The following TIAM1 variants were observed in gnomAD, a reference collection of about 807,000 sequenced individuals.
TIAM1 encodes rho guanine nucleotide exchange factor TIAM1.
TIAM1 carries 65 observed loss-of-function variants against 163.5 expected under a neutral mutation model. The observed-to-expected ratio is 0.40, with a 90% confidence interval of 0.33 to 0.49. The LOEUF is 0.49. Ranked by LOEUF, TIAM1 falls within the 20% of genes least tolerant of loss-of-function variation. TIAM1 has a pLI of 0.77. For missense variants in TIAM1, 1,789 were observed against 2,044.7 expected (o/e 0.87, Z 2.41); for synonymous variants, 833 against 810.1 (o/e 1.03, Z -0.48).
intron 2 of TIAM1, among the ~76,000 whole-genome samples, chr21:31,295,650 G>T (rs2074229830): frequency 6.6e-6 from 1 of 152,084 alleles, no homozygotes; most frequent in South Asian, 2.1e-4. Context: ...ACAGTTAACA[G>T]GTTATCCTAG....
intron 2 of TIAM1, among the ~76,000 whole-genome samples, chr21:31,452,204 T>C (rs2044887392): frequency 6.6e-6 from 1 of 152,164 alleles, no homozygotes; most frequent in Admixed American, 6.5e-5. Flanking sequence ...AGGCTGGGCC[T>C]TGAAAAAGCA....
chr21:31,179,042 C>T (rs1336039203), intron 15 of TIAM1, among the ~76,000 whole-genome samples: 2 of 151,862 alleles, frequency 1.3e-5, no homozygotes, highest in African/African-American at 4.8e-5. Flanking sequence ...TGAGCCACCA[C>T]ACCCAGCCTG....
At chr21:31,387,017 CCT>C (rs2076883620) in intron 2 of TIAM1, among the ~76,000 whole-genome samples, 2 of 151,990 alleles carry the variant, frequency 1.3e-5, no homozygotes, top group Non-Finnish European at 2.9e-5. Flanking sequence ...TGTCTAAGCA[CCT>C]CTTAGAACTT....
intron 1 of TIAM1, among the ~76,000 whole-genome samples, chr21:31,490,634 G>A (rs1038900794): frequency 2.0e-5 from 3 of 152,204 alleles, no homozygotes; most frequent in Non-Finnish European, 4.4e-5. Flanking sequence ...CCTTGCCTGT[G>A]ATTGGGTTAG....
At chr21:31,361,269 C>T (rs1344261024) in intron 2 of TIAM1, among the ~76,000 whole-genome samples, 1 of 152,098 alleles carries the variant, frequency 6.6e-6, no homozygotes, top group African/African-American at 2.4e-5. Flanking sequence ...AGTATGATTC[C>T]ACTGATATAC....
At chr21:31,420,937 C>T (rs1308719786) in intron 2 of TIAM1, among the ~76,000 whole-genome samples, 1 of 152,012 alleles carries the variant, frequency 6.6e-6, no homozygotes, top group Non-Finnish European at 1.5e-5. Flanking sequence ...GCCTGGCCAA[C>T]ATGGTGAAGC....
chr21:31,155,243 G>T (rs2083562114), intron 16 of TIAM1, among the ~76,000 whole-genome samples: 1 of 152,182 alleles, frequency 6.6e-6, no homozygotes, highest in African/African-American at 2.4e-5. Context: ...GTTCTCCAAA[G>T]CAAGGGCTGC....
intron 2 of TIAM1, among the ~76,000 whole-genome samples, chr21:31,315,791 C>G (rs369675345): frequency 6.6e-6 from 1 of 151,494 alleles, no homozygotes; most frequent in Non-Finnish European, 1.5e-5. Flanking sequence ...GCCATCCTGG[C>G]CAACAGGGTG....
chr21:31,336,565 T>C (rs189945272), intron 2 of TIAM1, among the ~76,000 whole-genome samples: 1 of 151,588 alleles, frequency 6.6e-6, no homozygotes, highest in Admixed American at 6.6e-5. Flanking sequence ...GGAAGCAACG[T>C]TGACATTTCT....
intron 19 of TIAM1, among the ~76,000 whole-genome samples, chr21:31,150,649 GTAAACACA>G (rs2083330300): frequency 6.6e-6 from 1 of 151,968 alleles, no homozygotes; most frequent in Admixed American, 6.6e-5. Context: ...ACTTCTAAGA[GTAAACACA>G]GGAAAAAATC....
intron 12 of TIAM1, among the ~76,000 whole-genome samples, chr21:31,196,437 G>A (rs2085861984): frequency 6.6e-6 from 1 of 150,578 alleles, no homozygotes; most frequent in African/African-American, 2.5e-5. Flanking sequence ...TCAGCCTCCT[G>A]AGTAGCTGGG....
chr21:31,369,225 CA>C (rs67890846), intron 2 of TIAM1, among the ~76,000 whole-genome samples: 1 of 121,102 alleles, frequency 8.3e-6, no homozygotes, highest in African/African-American at 3.4e-5. Flanking sequence ...GAATCCATCT[CA>C]AAAAAAAAGA....
Position 31,140,526 on chromosome 21 carries a change from A to C in TIAM1, c.3774+592T>G, listed in dbSNP as rs144581290. Among the ~76,000 whole-genome samples, 18 of 152,354 alleles carry C rather than the reference A, an allele frequency of 1.2e-4. No individual in the cohort carries two copies. The East Asian group carries it at 3.5e-3, about 29-fold the overall frequency. On this transcript the variant is annotated intron_variant, in intron 22 of 27. Coordinates refer to ENST00000541036, the MANE Select transcript of TIAM1 (RefSeq NM_001353694.2). Reference sequence around the variant, plus strand: ...TATAACCCATCAGATCAGAGCAATTAACTTATCCATCATCTCAAACATCTA... The same window carrying C: ...TATAACCCATCAGATCAGAGCAATTCACTTATCCATCATCTCAAACATCTA...
intron 8 of TIAM1, among the ~76,000 whole-genome samples, chr21:31,221,364 G>A (rs550663335): frequency 2.6e-5 from 4 of 152,178 alleles, no homozygotes; most frequent in Non-Finnish European, 5.9e-5. Flanking sequence ...AAGGAACAGA[G>A]AGTTGAACGT....
At chr21:31,535,178 C>T (rs915771561) in intron 1 of TIAM1, among the ~76,000 whole-genome samples, 2 of 151,652 alleles carry the variant, frequency 1.3e-5, no homozygotes, top group Non-Finnish European at 2.9e-5. Context: ...GTCAGGAGTT[C>T]GAGACCAGCC....
intron 1 of TIAM1, among the ~76,000 whole-genome samples, chr21:31,554,413 T>C (rs1028562243): frequency 6.6e-6 from 1 of 152,198 alleles, no homozygotes; most frequent in East Asian, 1.9e-4. Context: ...TCATCTTTCT[T>C]TCATGAATTC....
chr21:31,450,766 G>C (rs372358581), intron 2 of TIAM1, among the ~76,000 whole-genome samples: 1 of 152,166 alleles, frequency 6.6e-6, no homozygotes, highest in Non-Finnish European at 1.5e-5. Context: ...GAGAGAGAAT[G>C]AGAGCCAAGC....
intron 7 of TIAM1, among the ~76,000 whole-genome samples, chr21:31,224,879 A>G (rs920009393): frequency 6.6e-6 from 1 of 152,212 alleles, no homozygotes; most frequent in Non-Finnish European, 1.5e-5. Flanking sequence ...CCAGATGGCT[A>G]TTACTGACAG....
chr21:31,226,678 C>T (rs1419100811), intron 6 of TIAM1, among the ~76,000 whole-genome samples: 1 of 152,158 alleles, frequency 6.6e-6, no homozygotes, highest in Non-Finnish European at 1.5e-5. Context: ...CATGTGATAA[C>T]TCGCTATTAA....
Sources: gnomAD v4.1 joint callset for allele counts (sites outside exome capture counted in the v4.1 genomes callset) on GRCh38, gnomAD v4.1.1 for gene constraint, MANE v1.5 for transcripts, NCBI Gene and HGNC (gene_info 2026-07-23, HGNC 2026-07-21) for gene names.